GRIA1: variants seen among roughly 807,000 people sequenced by gnomAD.
The protein encoded by GRIA1 is glutamate ionotropic receptor AMPA type subunit 1, also known as glutamate receptor 1.
Under a neutral mutation model 99.2 loss-of-function variants are expected in GRIA1, and 31 were observed. The observed-to-expected ratio is 0.31, with a 90% CI of 0.23 to 0.42. The LOEUF (loss-of-function observed/expected upper bound fraction) is 0.42, where lower values mean the gene tolerates loss of function less well. GRIA1 is among the 10% of genes least tolerant of loss of function. GRIA1 has a pLI of 1.00. For missense variants in GRIA1, 782 were observed against 1,157.5 expected, an observed-to-expected ratio of 0.68 and a Z score of 4.71; for synonymous variants, 438 against 432.4, an observed-to-expected ratio of 1.01 and a Z score of -0.16.
At chr5:153,700,109 G>A (rs1581495029) in intron 10 of GRIA1, among the ~76,000 whole-genome samples, 1 of 152,352 alleles carries the variant, frequency 6.6e-6, no homozygotes, top group East Asian at 1.9e-4. Flanking sequence ...GAGAGGCCGG[G>A]CACAGTGGCT....
chr5:153,635,819 C>G (rs74657692), intron 2 of GRIA1, among the ~76,000 whole-genome samples: 1 of 152,298 alleles, frequency 6.6e-6, no homozygotes, highest in South Asian at 2.1e-4. Context: ...CTGAGGACCC[C>G]TGCCCTCTCA....
intron 13 of GRIA1, among the ~76,000 whole-genome samples, chr5:153,791,577 T>A (rs1289825295): frequency 2.6e-5 from 4 of 152,134 alleles, no homozygotes; most frequent in African/African-American, 9.7e-5. Flanking sequence ...TGGGCTTTAG[T>A]CACACAGAGC....
chr5:153,653,850 T>C, intron 4 of GRIA1, among the ~76,000 whole-genome samples: 1 of 152,106 alleles, frequency 6.6e-6, no homozygotes, highest in East Asian at 1.9e-4. Flanking sequence ...TCATAGAGGG[T>C]TTTACAGAGG....
intron 2 of GRIA1, among the ~76,000 whole-genome samples, chr5:153,645,533 G>A (rs1291664865): frequency 2.0e-5 from 3 of 152,184 alleles, no homozygotes. Context: ...GGATAAAAAT[G>A]GGTAGAATTC....
chr5:153,650,470 G>A lies in GRIA1; in HGVS notation c.601G>A (p.Val201Met). The change falls in exon 4 of 16, where the codon GTG becomes ATG. Residue 201 changes from valine (V) to methionine (M), a missense_variant. This residue lies in a region of GRIA1 where 461 missense variants were observed against 521.7 expected (regional missense o/e 0.88). Coordinates refer to ENST00000285900, the MANE Select transcript of GRIA1 (RefSeq NM_000827.4). ...GGAGAAGAAAAAGGAGCGGCTGGTG[G>A]TGGTGGACTGTGAATCAGAACGCCT... ...DLEKKKERLV[V>M]VDCESERLNA... is the part of the protein sequence containing the mutation. The A allele has an allele frequency of 6.2e-7, 1 of 1,613,962 alleles. No individual in the cohort carries two copies. The highest frequency in any genetic ancestry group is 1.7e-5 in the Admixed American group (1 of 59,992).
chr5:153,505,270 T>C (rs1864205), intron 2 of GRIA1, among the ~76,000 whole-genome samples: 38,565 of 152,154 alleles, frequency 0.25, 6,026 homozygotes, highest in Non-Finnish European at 0.36. Flanking sequence ...TGCACTTGTT[T>C]ATTCAATAAT....
Position 153,677,167 on chromosome 5 carries a change from A to G in GRIA1, c.1029+6A>G, listed in dbSNP as rs772640709. 14 of 1,453,478 alleles carry G rather than the reference A, an allele frequency of 9.6e-6. No individual in the cohort carries two copies. The highest frequency in any genetic ancestry group is 2.6e-5 in the East Asian group (1 of 38,728). The allele number at this position is 1,453,478 out of a possible 1,614,324, so 90.0% of individuals were successfully genotyped here. On this transcript the variant is annotated splice_donor_region_variant and intron_variant, in intron 7 of 15. Transcript: ENST00000285900. ...TCCAGAGAGCTCTGCAGCAGGTAAG[A>G]CCACCAATGTTTGCCCCATCTCATA...
At chr5:153,668,377 G>A (rs769547307) in intron 5 of GRIA1, among the ~76,000 whole-genome samples, 5 of 152,130 alleles carry the variant, frequency 3.3e-5, no homozygotes, top group Non-Finnish European at 5.9e-5. Flanking sequence ...TATGGCTCAT[G>A]AGCTAAGAAT....
intron 2 of GRIA1, among the ~76,000 whole-genome samples, chr5:153,547,127 A>G (rs554282501): frequency 2.0e-4 from 31 of 152,200 alleles, no homozygotes; most frequent in Non-Finnish European, 3.4e-4. Context: ...AATGAGGCCC[A>G]ATACAAATTT....
intron 2 of GRIA1, among the ~76,000 whole-genome samples, chr5:153,541,871 A>G (rs938783688): frequency 1.0e-4 from 14 of 138,862 alleles, no homozygotes; most frequent in Non-Finnish European, 1.8e-4. Flanking sequence ...TGGAGGTTGC[A>G]GTGAGCTGAG....
At chr5:153,542,899 A>G (rs1908099) in intron 2 of GRIA1, among the ~76,000 whole-genome samples, 57,253 of 152,136 alleles carry the variant, frequency 0.38, 12,959 homozygotes, top group Non-Finnish European at 0.51. Flanking sequence ...TGAGTAAAGT[A>G]TAGTGATTAA....
rs1413128887 is a variant in GRIA1 at position 153,727,157 on chromosome 5, G to A, written c.1823+21090G>A. Among the ~76,000 whole-genome samples, 12 of 152,292 alleles carry A rather than the reference G, an allele frequency of 7.9e-5. No individual in the cohort carries two copies. The South Asian group carries it at 1.9e-3, about 24-fold the overall frequency. On this transcript the variant is annotated intron_variant, in intron 11 of 15. Coordinates refer to ENST00000285900, the MANE Select transcript of GRIA1 (RefSeq NM_000827.4). Reference sequence around the variant, plus strand: ...AAACCACATGATTATCTCAATAGATGCAGAAAAGGCCTTTGACAAAATTCA... The same window carrying A: ...AAACCACATGATTATCTCAATAGATACAGAAAAGGCCTTTGACAAAATTCA...
intron 2 of GRIA1, among the ~76,000 whole-genome samples, chr5:153,577,427 T>C (rs1230117799): frequency 1.3e-5 from 2 of 152,186 alleles, no homozygotes; most frequent in Admixed American, 1.3e-4. Flanking sequence ...CTGGTCAATT[T>C]CCATGAAGCA....
chr5:153,784,813 CAG>C (rs1257287444), intron 13 of GRIA1, among the ~76,000 whole-genome samples: 1 of 152,168 alleles, frequency 6.6e-6, no homozygotes, highest in Non-Finnish European at 1.5e-5. Flanking sequence ...GAACTAAAGA[CAG>C]AGGACTTTGA....
intron 2 of GRIA1, among the ~76,000 whole-genome samples, chr5:153,621,600 T>C (rs1767057847): frequency 6.6e-6 from 1 of 152,134 alleles, no homozygotes; most frequent in East Asian, 1.9e-4. Flanking sequence ...GTGAACCCAC[T>C]CCATGAATCT....
intron 2 of GRIA1, among the ~76,000 whole-genome samples, chr5:153,526,347 G>T (rs1757594099): frequency 6.6e-6 from 1 of 152,088 alleles, no homozygotes; most frequent in African/African-American, 2.4e-5. Context: ...GCAAAATGAG[G>T]CCAATATAGT....
intron 8 of GRIA1, among the ~76,000 whole-genome samples, chr5:153,686,745 A>G (rs969297261): frequency 6.6e-6 from 1 of 152,204 alleles, no homozygotes; most frequent in South Asian, 2.1e-4. Context: ...TATCCACTCT[A>G]TTATTTATAC....
At chr5:153,660,976 T>C (rs1755328868) in intron 5 of GRIA1, among the ~76,000 whole-genome samples, 1 of 152,218 alleles carries the variant, frequency 6.6e-6, no homozygotes, top group East Asian at 1.9e-4. Flanking sequence ...ATTTCTGCCA[T>C]GTGCTTGCAG....
At chr5:153,509,297 A>G (rs902026972) in intron 2 of GRIA1, among the ~76,000 whole-genome samples, 2 of 152,236 alleles carry the variant, frequency 1.3e-5, no homozygotes, top group Admixed American at 6.5e-5. Flanking sequence ...GAAAGTATGC[A>G]CAGGATTTAG....
Sources: allele counts gnomAD v4.1 joint callset (sites outside exome capture counted in the v4.1 genomes callset), GRCh38; gene constraint gnomAD v4.1.1; regional missense constraint gnomAD v4.1.1; transcripts MANE v1.5; gene names NCBI Gene and HGNC (gene_info 2026-07-23, HGNC 2026-07-21).